Variants in C8orf88 observed in about 807,000 individuals in gnomAD.
C8orf88 encodes the protein chromosome 8 open reading frame 88.
C8orf88 carries 14 observed loss-of-function variants against 18.4 expected under a neutral mutation model. That is an observed-to-expected ratio of 0.76 (90% CI 0.50 to 1.19). The LOEUF is 1.19. C8orf88 is among the 50% of genes most tolerant of loss of function. The pLI is 0.00. For synonymous variants in C8orf88, 45 were observed against 42.9 expected (o/e 1.05, Z -0.19); for missense variants, 116 against 134.7 (o/e 0.86, Z 0.69).
intron 3 of C8orf88, among the ~76,000 whole-genome samples, chr8:90,975,511 G>A (rs1160719164): frequency 1.3e-5 from 2 of 151,860 alleles, no homozygotes. Context: ...AAAACGGAAA[G>A]AAAAACAGAT....
chr8:90,968,290 A>C (rs1396030559), intron 4 of C8orf88, among the ~76,000 whole-genome samples: 1 of 151,672 alleles, frequency 6.6e-6, no homozygotes, highest in African/African-American at 2.4e-5. Context: ...CCTATAGTCA[A>C]CTGATTTTCA....
At chr8:90,975,884 T>G (rs1486101110) in intron 3 of C8orf88, among the ~76,000 whole-genome samples, 2 of 151,326 alleles carry the variant, frequency 1.3e-5, no homozygotes, top group South Asian at 2.1e-4. Flanking sequence ...TGTCAACTGA[T>G]GAATAAACAA....
chr8:90,958,844 AT>A lies in C8orf88; in HGVS notation c.*162del. The A allele has an allele frequency of 3.9e-6, 2 of 511,024 alleles. No individual in the cohort carries two copies. Among genetic ancestry groups the A allele is most frequent in the Non-Finnish European group, 6.8e-6 (2 of 294,516 alleles). The allele number at this position is 511,024 out of a possible 1,614,324, so 31.7% of individuals were successfully genotyped here. On this transcript the variant is annotated 3_prime_UTR_variant, in exon 6 of 6. Transcript: ENST00000517562. ...CTGCAAAGCTGAAACTGATTAGAAA[AT>A]TCTTTATATTTTAAAATAGCTCTTT...
Position 90,982,363 on chromosome 8 carries a change from C to A in C8orf88, c.-26-1902G>T, listed in dbSNP as rs141318766. Among the ~76,000 whole-genome samples the A allele has an allele frequency of 3.0e-3, 450 of 152,172 alleles. 5 individuals are homozygous for A. Among genetic ancestry groups the A allele is most frequent in the African/African-American group, 0.01 (429 of 41,528 alleles). ...TTGCTTTATTTGATGTTTATCCTAG[C>A]TATTTTAGTTAAGACCCTAATACTA... On this transcript the variant is annotated intron_variant, in intron 1 of 5. Coordinates refer to ENST00000517562, the MANE Select transcript of C8orf88 (RefSeq NM_001190972.2).
chr8:90,962,170 T>G (rs1319755793), intron 4 of C8orf88, among the ~76,000 whole-genome samples: 1 of 151,610 alleles, frequency 6.6e-6, no homozygotes, highest in African/African-American at 2.4e-5. Context: ...TTAACATTTT[T>G]GAGGTTCATC....
At position 90,980,441 on chromosome 8, in the gene C8orf88, C is replaced by A; in HGVS notation, c.-6G>T. Reference sequence around the variant, plus strand: ...ATTAATTTTTTGGTTTCCATTGTCACAAAGACTTTGAGGTTCCATACTAGA... The same window carrying A: ...ATTAATTTTTTGGTTTCCATTGTCAAAAAGACTTTGAGGTTCCATACTAGA... On this transcript the variant is annotated 5_prime_UTR_variant, in exon 2 of 6. Coordinates refer to ENST00000517562, the MANE Select transcript of C8orf88 (RefSeq NM_001190972.2). 1 of 1,522,726 alleles carries A rather than the reference C, an allele frequency of 6.6e-7. No individual in the cohort carries two copies. Among genetic ancestry groups the A allele is most frequent in the Non-Finnish European group, 8.8e-7 (1 of 1,140,524 alleles). 94.3% of individuals were successfully genotyped at this position (1,522,726 alleles called of 1,614,324 possible). A position where few individuals can be genotyped will look rare whatever the true frequency, so the allele number is the denominator to read the frequency against.
intron 1 of C8orf88, among the ~76,000 whole-genome samples, chr8:90,983,404 C>CAA (rs1811461238): frequency 1.3e-5 from 2 of 151,916 alleles, no homozygotes; most frequent in South Asian, 4.2e-4. Context: ...ATTGGTAAAT[C>CAA]AGTTAGTTAT....
rs78516430 is a variant in C8orf88, at chr8:90,978,309, G to A, written c.147+270C>T. Reference sequence around the variant, plus strand: ...GAGGATAGTTATCCATGGGCAGGACGGGAAGGAAATACGATGGTAGAAGCA... The same window carrying A: ...GAGGATAGTTATCCATGGGCAGGACAGGAAGGAAATACGATGGTAGAAGCA... On this transcript the variant is annotated intron_variant, in intron 3 of 5. Transcript: ENST00000517562. Among the ~76,000 whole-genome samples the A allele has an allele frequency of 2.9e-3, 437 of 152,238 alleles. 5 individuals carry two copies. Among genetic ancestry groups the A allele is most frequent in the African/African-American group, 9.9e-3 (412 of 41,554 alleles).
At chr8:90,973,097 C>A (rs1312869030) in intron 3 of C8orf88, among the ~76,000 whole-genome samples, 2 of 151,840 alleles carry the variant, frequency 1.3e-5, no homozygotes, top group Non-Finnish European at 2.9e-5. Flanking sequence ...AACTAAAAGG[C>A]AGAAAAATAA....
At chr8:90,981,222 C>T (rs570450474) in intron 1 of C8orf88, among the ~76,000 whole-genome samples, 2 of 152,276 alleles carry the variant, frequency 1.3e-5, no homozygotes, top group Admixed American at 1.3e-4. Flanking sequence ...TTAAAGTCAT[C>T]ACCAACTCCC....
chr8:90,961,064 G>T (rs1188458604), intron 4 of C8orf88, among the ~76,000 whole-genome samples: 1 of 151,302 alleles, frequency 6.6e-6, no homozygotes, highest in African/African-American at 2.4e-5. Context: ...AGGAAACAAT[G>T]AAAGAAATAT....
At chr8:90,968,191 C>A (rs77251109) in intron 4 of C8orf88, among the ~76,000 whole-genome samples, 16,398 of 151,406 alleles carry the variant, frequency 0.11, 1,043 homozygotes, top group African/African-American at 0.18. Flanking sequence ...CTATAGTAAT[C>A]AAAAAAATGT....
intron 3 of C8orf88, among the ~76,000 whole-genome samples, chr8:90,975,112 G>A (rs1487350093): frequency 6.6e-6 from 1 of 152,132 alleles, no homozygotes; most frequent in Non-Finnish European, 1.5e-5. Flanking sequence ...ATCATAAGAT[G>A]TCAATTCTTC....
intron 1 of C8orf88, among the ~76,000 whole-genome samples, chr8:90,981,089 C>A (rs1811429581): frequency 6.6e-6 from 1 of 152,146 alleles, no homozygotes; most frequent in African/African-American, 2.4e-5. Context: ...GAATCTACTT[C>A]TCTTTTAAAC....
chr8:90,964,620 T>C (rs534304961), intron 4 of C8orf88, among the ~76,000 whole-genome samples: 2 of 151,798 alleles, frequency 1.3e-5, no homozygotes, highest in African/African-American at 4.8e-5. Flanking sequence ...AAAGCATCAA[T>C]AAATTTTCAG....
intron 4 of C8orf88, among the ~76,000 whole-genome samples, chr8:90,965,741 A>T (rs1811185104): frequency 6.6e-6 from 1 of 151,878 alleles, no homozygotes; most frequent in Admixed American, 6.6e-5. Flanking sequence ...TAAACTGGAA[A>T]ATTCACAAAT....
intron 4 of C8orf88, among the ~76,000 whole-genome samples, chr8:90,962,929 G>A (rs1483896684): frequency 3.3e-5 from 5 of 151,534 alleles, no homozygotes; most frequent in Non-Finnish European, 5.9e-5. Flanking sequence ...AGGATGCTTT[G>A]AGGTAGAAGG....
At chr8:90,975,384 T>C (rs562314656) in intron 3 of C8orf88, among the ~76,000 whole-genome samples, 33 of 152,246 alleles carry the variant, frequency 2.2e-4, no homozygotes, top group African/African-American at 7.9e-4. Flanking sequence ...TATGATATAC[T>C]GATTTTTCAA....
intron 4 of C8orf88, among the ~76,000 whole-genome samples, chr8:90,970,483 T>C (rs979881531): frequency 1.3e-5 from 2 of 152,044 alleles, no homozygotes; most frequent in Non-Finnish European, 2.9e-5. Flanking sequence ...AGACTATTGG[T>C]TCTCCCCTAG....
Sources: gnomAD v4.1 joint callset for allele counts (sites outside exome capture counted in the v4.1 genomes callset) on GRCh38, gnomAD v4.1.1 for gene constraint, MANE v1.5 for transcripts, NCBI Gene and HGNC (gene_info 2026-07-23, HGNC 2026-07-21) for gene names.